The following TWIST2 variants were observed in gnomAD, a reference collection of about 807,000 sequenced individuals.
TWIST2 encodes the protein twist family bHLH transcription factor 2.
TWIST2 carries 1 observed loss-of-function variant against 11.6 expected under a neutral mutation model. The ratio of observed to expected loss-of-function variants is 0.09; its 90% CI spans 0.03 to 0.41. TWIST2 has a LOEUF of 0.41. Among genes scored for constraint, TWIST2 ranks in the 10% least tolerant of loss-of-function variants. The pLI is 0.98. For missense variants in TWIST2, 168 were observed against 226.4 expected (o/e 0.74, Z 1.66); for synonymous variants, 87 against 96.6 (o/e 0.90, Z 0.58).
intron 1 of TWIST2, among the ~76,000 whole-genome samples, chr2:238,881,167 GTTAGTATTAGTGTTAGTATTTA>G (rs1692917928): frequency 8.8e-6 from 1 of 113,644 alleles, no homozygotes; most frequent in Admixed American, 9.6e-5. Flanking sequence ...TTAGTGTTAT[GTTAGTATTAGTGTTAGTATTTA>G]TTAGTATTAG....
chr2:238,859,234 A>G (rs1692384324), intron 1 of TWIST2, among the ~76,000 whole-genome samples: 1 of 151,128 alleles, frequency 6.6e-6, no homozygotes, highest in Non-Finnish European at 1.5e-5. Context: ...AAAAAAGTGT[A>G]ATATGTGCTA....
Position 238,893,253 on chromosome 2 carries a change from C to G in TWIST2, c.*36-16589C>G, listed in dbSNP as rs563481271. ...CAGAGGCATTTGAAAAAAAGACTGCCCAATAAAACATTTAAGTAGAGTTAC... is the reference window on the plus strand; with the variant it reads ...CAGAGGCATTTGAAAAAAAGACTGCGCAATAAAACATTTAAGTAGAGTTAC... On this transcript the variant is annotated intron_variant, in intron 1 of 1. Coordinates refer to ENST00000612363, the MANE Select transcript of TWIST2 (RefSeq NM_001271893.4). 2.6e-5 allele frequency among the ~76,000 whole-genome samples: 4 copies of G among 152,160 alleles called. No homozygotes were observed. The South Asian group carries it at 8.3e-4, about 32-fold the overall frequency.
chr2:238,868,315 G>A (rs959759319), intron 1 of TWIST2, among the ~76,000 whole-genome samples: 8 of 152,188 alleles, frequency 5.3e-5, no homozygotes, highest in Non-Finnish European at 8.8e-5. Flanking sequence ...CCCAAGTGCC[G>A]GGAGCCCCCC....
In TWIST2 at chr2:238,879,706, T is replaced by C. The variant is rs752098240; in HGVS notation, c.*36-30136T>C. 6.6e-5 allele frequency among the ~76,000 whole-genome samples: 10 copies of C among 152,106 alleles called. No individual in the cohort carries two copies. The South Asian group carries it at 1.0e-3, about 16-fold the overall frequency. Reference sequence around the variant, plus strand: ...GCTGGGTCAAGCACCAGCTGTTGAGTTGTGGACATGGACAGCCCTGCCAGA... The same window carrying C: ...GCTGGGTCAAGCACCAGCTGTTGAGCTGTGGACATGGACAGCCCTGCCAGA... On this transcript the variant is annotated intron_variant, in intron 1 of 1. Transcript: ENST00000612363.
chr2:238,869,309 C>G (rs776369343), intron 1 of TWIST2, among the ~76,000 whole-genome samples: 2 of 152,250 alleles, frequency 1.3e-5, no homozygotes, highest in African/African-American at 2.4e-5. Flanking sequence ...TGGGATCTCT[C>G]AATAAAACTT....
chr2:238,860,159 G>A (rs1035200854), intron 1 of TWIST2, among the ~76,000 whole-genome samples: 2 of 152,196 alleles, frequency 1.3e-5, no homozygotes, highest in Non-Finnish European at 2.9e-5. Flanking sequence ...GGGCTCAGAG[G>A]CCCTCAAGGG....
At chr2:238,895,820 G>A (rs946091130) in intron 1 of TWIST2, among the ~76,000 whole-genome samples, 1 of 152,034 alleles carries the variant, frequency 6.6e-6, no homozygotes, top group East Asian at 1.9e-4. Context: ...CAGTGATGCT[G>A]GGGGCTCCAA....
At chr2:238,858,018 C>T (rs1692361812) in intron 1 of TWIST2, among the ~76,000 whole-genome samples, 1 of 152,184 alleles carries the variant, frequency 6.6e-6, no homozygotes, top group Non-Finnish European at 1.5e-5. Flanking sequence ...CTGGTTCCTC[C>T]AAAGCCAACT....
rs574580828 is a variant in TWIST2, at chr2:238,871,496, C to G, written c.*35+22763C>G. On this transcript the variant is annotated intron_variant, in intron 1 of 1. Coordinates refer to ENST00000612363, the MANE Select transcript of TWIST2 (RefSeq NM_001271893.4). ...ACATCCCTCCCACACACACCACACA[C>G]ACACCACACCCCACACATACCCCCC... 2.2e-4 allele frequency among the ~76,000 whole-genome samples: 24 copies of G among 107,920 alleles called. 3 individuals are homozygous for G. The South Asian group carries it at 8.9e-3, about 40-fold the overall frequency. 70.8% of individuals were successfully genotyped at this position (107,920 alleles called of 152,430 possible).
chr2:238,903,498 GAT>G (rs1231036286), intron 1 of TWIST2, among the ~76,000 whole-genome samples: 6 of 141,132 alleles, frequency 4.3e-5, no homozygotes, highest in South Asian at 4.8e-4. Flanking sequence ...AGGTGTGTGT[GAT>G]GTGTGTGTGT....
At chr2:238,900,345 G>A (rs1426827123) in intron 1 of TWIST2, among the ~76,000 whole-genome samples, 1 of 152,184 alleles carries the variant, frequency 6.6e-6, no homozygotes, top group Non-Finnish European at 1.5e-5. Context: ...AGATGTGCCC[G>A]GTGTGGCCAG....
At chr2:238,893,002 G>T (rs1574766430) in intron 1 of TWIST2, among the ~76,000 whole-genome samples, 2 of 152,176 alleles carry the variant, frequency 1.3e-5, no homozygotes, top group East Asian at 3.9e-4. Flanking sequence ...GCCTGTCCCT[G>T]TTGCAGAATG....
intron 1 of TWIST2, among the ~76,000 whole-genome samples, chr2:238,885,144 G>A (rs1210343706): frequency 4.6e-5 from 7 of 152,228 alleles, no homozygotes; most frequent in Non-Finnish European, 8.8e-5. Context: ...GCACCACTGT[G>A]AGCATGAGGT....
At chr2:238,904,985 A>C (rs1693323296) in intron 1 of TWIST2, among the ~76,000 whole-genome samples, 1 of 151,902 alleles carries the variant, frequency 6.6e-6, no homozygotes, top group South Asian at 2.1e-4. Flanking sequence ...GAGAAAGAAA[A>C]AAAGAAGAAA....
At chr2:238,908,058 G>C (rs1417549986) in intron 1 of TWIST2, among the ~76,000 whole-genome samples, 2 of 119,570 alleles carry the variant, frequency 1.7e-5, no homozygotes, top group East Asian at 5.4e-4. Context: ...CACACACAAA[G>C]TCACGCCACA....
At chr2:238,894,282 G>A (rs1693181413) in intron 1 of TWIST2, among the ~76,000 whole-genome samples, 1 of 152,138 alleles carries the variant, frequency 6.6e-6, no homozygotes, top group South Asian at 2.1e-4. Context: ...GCAGCTCCAC[G>A]TGGCTGACAC....
At chr2:238,875,306 G>A (rs1391152201) in intron 1 of TWIST2, among the ~76,000 whole-genome samples, 1 of 151,856 alleles carries the variant, frequency 6.6e-6, no homozygotes, top group Non-Finnish European at 1.5e-5. Context: ...AGATGAGACA[G>A]AAGGTGCAGC....
At chr2:238,850,349 TG>T (rs1250582394) in intron 1 of TWIST2, among the ~76,000 whole-genome samples, 1 of 152,224 alleles carries the variant, frequency 6.6e-6, no homozygotes, top group Non-Finnish European at 1.5e-5. Context: ...TTCTGGTTTT[TG>T]CTGCCTAAAT....
intron 1 of TWIST2, among the ~76,000 whole-genome samples, chr2:238,852,268 CT>C (rs1287792252): frequency 6.6e-6 from 1 of 152,098 alleles, no homozygotes; most frequent in East Asian, 1.9e-4. Context: ...AAAGGCTGAA[CT>C]TTTATGACGG....
Sources: gnomAD v4.1 joint callset for allele counts (sites outside exome capture counted in the v4.1 genomes callset) on GRCh38, gnomAD v4.1.1 for gene constraint, MANE v1.5 for transcripts, NCBI Gene and HGNC (gene_info 2026-07-23, HGNC 2026-07-21) for gene names.